Variants in COL6A3 observed in about 807,000 individuals in gnomAD.
The protein encoded by COL6A3 is collagen alpha-3(VI) chain.
A neutral mutation model predicts 274.1 loss-of-function variants in COL6A3; 137 were observed. The observed-to-expected ratio is 0.50, with a 90% CI of 0.44 to 0.58. The LOEUF is 0.58. Among genes scored for constraint, COL6A3 ranks in the 20% least tolerant of loss-of-function variants. The pLI, the probability that COL6A3 is intolerant of heterozygous loss-of-function variation, is 0.00. For synonymous variants in COL6A3, 1,650 were observed against 1,650.6 expected, an observed-to-expected ratio of 1.00 and a Z score of 0.01; for missense variants, 3,950 against 4,124.9, an observed-to-expected ratio of 0.96 and a Z score of 1.16.
At chr2:237,373,735 C>G (rs974189004) in intron 8 of COL6A3, among the ~76,000 whole-genome samples, 1 of 152,146 alleles carries the variant, frequency 6.6e-6, no homozygotes, top group East Asian at 1.9e-4. Context: ...GGGAGAGTGG[C>G]CCTTGGAGGA....
chr2:237,336,306 G>A lies in COL6A3; in HGVS notation c.8794C>T (p.Pro2932Ser), dbSNP rs992204564. 8 of 1,613,266 alleles carry A rather than the reference G, an allele frequency of 5.0e-6. No homozygotes were observed. The African/African-American group carries it at 8.0e-5, about 16-fold the overall frequency. Residue 2932 changes from proline (P) to serine (S), a missense_variant, in exon 40 of 44, where the codon CCC (proline) becomes TCC (serine). By Grantham distance (74) the Pro-to-Ser change is moderately conservative. Around this residue, in one of 5 missense-constraint regions of COL6A3, gnomAD observed 1,284 missense variants for 1,349.7 expected, o/e 0.95. Coordinates refer to ENST00000295550, the MANE Select transcript of COL6A3 (RefSeq NM_004369.4). ...GTTGCTGGCTTCACCGCCACTGGGG[G>A]TCTAACAGTGGCCATCTTTGTGGCC... ...PVATKMATVR[P>S]PVAVKPATAA...
intron 7 of COL6A3, among the ~76,000 whole-genome samples, chr2:237,375,654 TGCCTCA>T (rs1306134336): frequency 6.6e-6 from 1 of 152,222 alleles, no homozygotes; most frequent in African/African-American, 2.4e-5. Flanking sequence ...GTGATTCTTC[TGCCTCA>T]GCCTCCAGAG....
At chr2:237,392,944 C>G (rs2078329340) in intron 3 of COL6A3, among the ~76,000 whole-genome samples, 1 of 152,164 alleles carries the variant, frequency 6.6e-6, no homozygotes, top group Admixed American at 6.5e-5. Flanking sequence ...GTCTACACAC[C>G]AGCAGCGTCT....
chr2:237,404,343 C>T (rs979137437), intron 1 of COL6A3, among the ~76,000 whole-genome samples: 5 of 152,150 alleles, frequency 3.3e-5, no homozygotes, highest in Non-Finnish European at 7.4e-5. Context: ...TGCCACTCCT[C>T]ACCCCCCAAA....
rs762950296 is a variant in COL6A3, at chr2:237,379,051, G to A, written c.2082C>T (p.Asn694=). The change falls in exon 6 of 44, where the codon AAC becomes AAT. Residue 694 remains asparagine (N), a synonymous_variant. Coordinates refer to ENST00000295550, the MANE Select transcript of COL6A3 (RefSeq NM_004369.4). ...GGATATCTGACTTGGTCTGGTATGT[G>A]TTTAAAGAGAACTCCGTTACAGGAG... ...SDTPVTEFSL[N]TYQTKSDILG... 6.2e-7 allele frequency: 1 copy of A among 1,614,200 alleles called. No homozygotes were observed. Among genetic ancestry groups the A allele is most frequent in the South Asian group, 1.1e-5 (1 of 91,076 alleles).
At position 237,336,193 on chromosome 2, in the gene COL6A3, G is replaced by A. The variant is rs201605617; in HGVS notation, c.8907C>T (p.Val2969=). 3.7e-6 allele frequency: 6 copies of A among 1,613,878 alleles called. No individual in the cohort carries two copies. The highest frequency in any genetic ancestry group is 1.3e-5 in the African/African-American group (1 of 75,056). The change falls in exon 40 of 44, where the codon GTC becomes GTT. Residue 2969 remains valine (V), a synonymous_variant. Transcript: ENST00000295550. Reference sequence around the variant, plus strand: ...CTGGTTTGGCTGCCTGTGGCCTAGGGACCTCAGGCTTGGTCGCCACTGGTT... The same window carrying A: ...CTGGTTTGGCTGCCTGTGGCCTAGGAACCTCAGGCTTGGTCGCCACTGGTT... The part of the protein sequence containing the change: ...AAKPVATKPE[V]PRPQAAKPAA...
chr2:237,344,117 C>T lies in COL6A3; in HGVS notation c.7668+233G>A, dbSNP rs984544177. The T allele has an allele frequency of 1.6e-6, 1 of 633,430 alleles. No homozygotes were observed. Among genetic ancestry groups the T allele is most frequent in the East Asian group, 2.8e-5 (1 of 36,136 alleles). The allele number at this position is 633,430 out of a possible 1,614,324, so 39.2% of individuals were successfully genotyped here. A position where few individuals can be genotyped will look rare whatever the true frequency, so the allele number is the denominator to read the frequency against. Reference sequence around the variant, plus strand: ...ATCACTAACCGGCAAGAGCTGTCAACATGTGAGGAGGGACCTGGGGGCAGT... The same window carrying T: ...ATCACTAACCGGCAAGAGCTGTCAATATGTGAGGAGGGACCTGGGGGCAGT... On this transcript the variant is annotated intron_variant, in intron 36 of 43. Transcript: ENST00000295550. The surrounding 1 kb of genome is among the most constrained non-coding windows in gnomAD (Gnocchi z 4.8).
In COL6A3 at chr2:237,336,159, T is replaced by C; in HGVS notation, c.8941A>G (p.Lys2981Glu). The change falls in exon 40 of 44, where the codon AAG becomes GAG. Residue 2981 changes from lysine to glutamate, a missense_variant. Lys to Glu is a moderately conservative substitution (Grantham distance 56, BLOSUM62 1). Around this residue, in one of 5 missense-constraint regions of COL6A3, gnomAD observed 1,284 missense variants for 1,349.7 expected, o/e 0.95. Transcript: ENST00000295550. ...CCCATGGGCTTAGTGGTGGCTGGCT[T>C]GGTGGCAGCTGGTTTGGCTGCCTGT... ...RPQAAKPAAT[K>E]PATTKPMVKM... 1 of 1,613,414 alleles carries C rather than the reference T, an allele frequency of 6.2e-7. No individual in the cohort carries two copies. Among genetic ancestry groups the C allele is most frequent in the Non-Finnish European group, 8.5e-7 (1 of 1,179,992 alleles).
intron 2 of COL6A3, among the ~76,000 whole-genome samples, chr2:237,396,123 A>G (rs1036214518): frequency 6.6e-6 from 1 of 152,198 alleles, no homozygotes; most frequent in Admixed American, 6.5e-5. Context: ...GGTCAAGGAG[A>G]GGGAGACCCA....
chr2:237,388,901 C>A (rs2106380204), intron 3 of COL6A3, among the ~76,000 whole-genome samples: 2 of 152,282 alleles, frequency 1.3e-5, no homozygotes, highest in South Asian at 2.1e-4. Flanking sequence ...AAATGCAGGT[C>A]TGGGATTGGG....
chr2:237,361,713 C>A lies in COL6A3; in HGVS notation c.6156+26G>T, dbSNP rs751209112. On this transcript the variant is annotated intron_variant, in intron 15 of 43. Transcript: ENST00000295550. This position sits in a 1 kb window ranked among gnomAD's most constrained non-coding sequence, Gnocchi z 5.1. ...CGGGCTTCTGACACCTCATCTCAGG[C>A]GTGGGCAAGGGTAAAGCCACCGTAC... is the stretch of plus-strand genomic sequence containing the variant. The A allele has an allele frequency of 2.5e-6, 4 of 1,601,824 alleles. No individual in the cohort carries two copies. In the African/African-American group the frequency reaches 4.0e-5, roughly 16 times the overall value.
Position 237,359,290 on chromosome 2 carries a change from A to C in COL6A3, c.6310-40T>G. The C allele has an allele frequency of 1.9e-6, 3 of 1,614,112 alleles. No individual in the cohort carries two copies. In the East Asian group the frequency reaches 6.7e-5, roughly 36 times the overall value. ...GGCGGACAGGTAAGTATAGAAAGCT[A>C]TTCTGGCAAAGGAAGAAATGAGAAA... On this transcript the variant is annotated intron_variant, in intron 18 of 43. Transcript: ENST00000295550.
intron 3 of COL6A3, among the ~76,000 whole-genome samples, chr2:237,393,840 C>G (rs1303443377): frequency 6.6e-6 from 1 of 152,210 alleles, no homozygotes; most frequent in Non-Finnish European, 1.5e-5. Context: ...TCTGTACATG[C>G]AACTGCACAT....
chr2:237,339,258 T>C, intron 38 of COL6A3, 141 bp from the exon 39 acceptor site: 2 of 679,766 alleles, frequency 2.9e-6, no homozygotes, highest in Admixed American at 2.3e-5. Flanking sequence ...TCAGACAAAC[T>C]ATGTCCAGTG....
intron 42 of COL6A3, among the ~76,000 whole-genome samples, chr2:237,331,107 C>G (rs563972264): frequency 6.6e-6 from 1 of 152,086 alleles, no homozygotes; most frequent in Non-Finnish European, 1.5e-5. Flanking sequence ...AAAATGGACA[C>G]ATGTAAATAT....
At chr2:237,393,034 TG>T (rs1559277219) in intron 3 of COL6A3, among the ~76,000 whole-genome samples, 1 of 152,184 alleles carries the variant, frequency 6.6e-6, no homozygotes, top group Non-Finnish European at 1.5e-5. Context: ...AGAGGTCTCC[TG>T]GCCCATTCCA....
chr2:237,395,923 T>C (rs572913764), intron 2 of COL6A3, among the ~76,000 whole-genome samples: 1 of 152,308 alleles, frequency 6.6e-6, no homozygotes, highest in East Asian at 1.9e-4. Context: ...GCTCAGGGTA[T>C]CAGGCTGTCA....
intron 4 of COL6A3, among the ~76,000 whole-genome samples, chr2:237,383,454 T>C (rs1052119615): frequency 6.6e-6 from 1 of 152,174 alleles, no homozygotes; most frequent in African/African-American, 2.4e-5. Context: ...CATTTTGATT[T>C]AAAATATCTT....
At chr2:237,357,743 G>A in intron 22 of COL6A3, 74 bp downstream of exon 22, 2 of 1,477,178 alleles carry the variant, frequency 1.4e-6, no homozygotes, top group Non-Finnish European at 1.9e-6. Context: ...CTCTGTGGCT[G>A]CTGATGAGCC....
Sources: gnomAD v4.1 joint callset for allele counts (sites outside exome capture counted in the v4.1 genomes callset) on GRCh38, gnomAD v4.1.1 for gene constraint, gnomAD v4.1.1 regional missense constraint, Gnocchi (gnomAD v3.1) non-coding constraint, MANE v1.5 for transcripts, NCBI Gene and HGNC (gene_info 2026-07-23, HGNC 2026-07-21) for gene names.